HK2: variants seen among roughly 807,000 people sequenced by gnomAD.
HK2 encodes hexokinase 2.
Under a neutral mutation model 92.9 loss-of-function variants are expected in HK2, and 42 were observed. The ratio of observed to expected loss-of-function variants is 0.45; its 90% CI spans 0.35 to 0.58. The LOEUF is 0.58. HK2 is among the 20% of genes least tolerant of loss of function. The pLI, the probability that HK2 is intolerant of heterozygous loss-of-function variation, is 0.00. For missense variants in HK2, 978 were observed against 1,245.1 expected (o/e 0.79, Z 3.23); for synonymous variants, 422 against 468.0 (o/e 0.90, Z 1.27).
intron 2 of HK2, among the ~76,000 whole-genome samples, chr2:74,866,142 G>A: frequency 6.6e-6 from 1 of 152,062 alleles, no homozygotes. Flanking sequence ...TGGGACCCTA[G>A]GGACTGTGGG....
chr2:74,843,872 A>G (rs894504131), intron 1 of HK2, among the ~76,000 whole-genome samples: 3 of 152,170 alleles, frequency 2.0e-5, no homozygotes, highest in Non-Finnish European at 2.9e-5. Flanking sequence ...TTTCTGTCTC[A>G]GTCCCCTCCA....
chr2:74,888,488 G>A (rs542724815), intron 16 of HK2, among the ~76,000 whole-genome samples: 1 of 152,356 alleles, frequency 6.6e-6, no homozygotes, highest in East Asian at 1.9e-4. Context: ...GCAGACACAT[G>A]CCACACAGTG....
chr2:74,853,300 T>C (rs912327322), intron 1 of HK2, among the ~76,000 whole-genome samples: 3 of 152,078 alleles, frequency 2.0e-5, no homozygotes, highest in Non-Finnish European at 4.4e-5. Flanking sequence ...GTGGATAGCT[T>C]GAGTCCAGGA....
chr2:74,876,701 G>A (rs1689239186), intron 7 of HK2, among the ~76,000 whole-genome samples: 1 of 152,186 alleles, frequency 6.6e-6, no homozygotes, highest in Admixed American at 6.5e-5. Context: ...TGGAGCCCAT[G>A]AACGGCTTGC....
intron 7 of HK2, 52 bp from the exon 8 acceptor site, chr2:74,877,114 T>C: frequency 6.2e-7 from 1 of 1,610,594 alleles, no homozygotes; most frequent in East Asian, 2.2e-5. Flanking sequence ...AGGGAAGCTA[T>C]GAGTACATGG....
rs187665561 is a variant in HK2, at chr2:74,883,446, A to T, written c.1839+1207A>T. ...GGAAAGAAAGGTGAGCAGGCTGCCC[A>T]TTGTGGAGAGGGTCATGTAGGTGGG... On this transcript the variant is annotated intron_variant, in intron 12 of 17. Coordinates refer to ENST00000290573, the MANE Select transcript of HK2 (RefSeq NM_000189.5). Among the ~76,000 whole-genome samples, 17 of 152,326 alleles carry T rather than the reference A, an allele frequency of 1.1e-4. No homozygotes were observed. The East Asian group carries it at 3.3e-3, about 29-fold the overall frequency.
chr2:74,867,816 G>T, intron 3 of HK2, 32 bp downstream of exon 3: 1 of 1,613,298 alleles, frequency 6.2e-7, no homozygotes, highest in South Asian at 1.1e-5. Context: ...AGCCCCTGGT[G>T]ACAAAAAACT....
chr2:74,888,122 T>C, intron 16 of HK2, 64 bp downstream of exon 16: 1 of 1,550,568 alleles, frequency 6.4e-7, no homozygotes, highest in Non-Finnish European at 8.9e-7. Flanking sequence ...GCAGACAAAC[T>C]GAAGGATTTC....
At chr2:74,885,888 T>TCACACACAC (rs1689519230) in intron 13 of HK2, among the ~76,000 whole-genome samples, 1 of 106,582 alleles carries the variant, frequency 9.4e-6, no homozygotes, top group African/African-American at 5.1e-5. Flanking sequence ...ACACACACAG[T>TCACACACAC]AAAGGAATAA....
intron 2 of HK2, among the ~76,000 whole-genome samples, chr2:74,862,680 CG>C (rs1283606853): frequency 2.0e-5 from 3 of 152,182 alleles, no homozygotes; most frequent in Admixed American, 6.5e-5. Context: ...GGGGTACTTA[CG>C]TAGTCCAGGC....
In HK2 at chr2:74,890,988, G is replaced by T. The variant is rs1689664559; in HGVS notation, c.*47G>T. 6.2e-7 allele frequency: 1 copy of T among 1,604,180 alleles called. No individual in the cohort carries two copies. The highest frequency in any genetic ancestry group is 1.3e-5 in the African/African-American group (1 of 74,912). ...CTTCCTCTTTCTCTCCTTCTTCCCTGTTTTAAATTATAAGATGTCATCCCC... is the reference window on the plus strand; with the variant it reads ...CTTCCTCTTTCTCTCCTTCTTCCCTTTTTTAAATTATAAGATGTCATCCCC... On this transcript the variant is annotated 3_prime_UTR_variant, in exon 18 of 18. Transcript: ENST00000290573.
rs147555773 is a variant in HK2 at position 74,889,375 on chromosome 2, G to A, written c.2506G>A (p.Ala836Thr). ...VARRAAQLCG[A>T]GMAAVVDRIR... is the part of the protein sequence containing the mutation. ...CCGGCGGGCAGCCCAGCTCTGTGGC[G>A]CAGGCATGGCCGCTGTGGTGGACAG... The change falls in exon 17 of 18, where the codon GCA becomes ACA. Residue 836 changes from alanine (A) to threonine (T), a missense_variant. By Grantham distance (58) the Ala-to-Thr change is moderately conservative. Coordinates refer to ENST00000290573, the MANE Select transcript of HK2 (RefSeq NM_000189.5). 64 of 1,614,068 alleles carry A rather than the reference G, an allele frequency of 4.0e-5. No individual in the cohort carries two copies. The highest frequency in any genetic ancestry group is 3.7e-4 in the African/African-American group (28 of 74,920).
At position 74,889,356 on chromosome 2, in the gene HK2, G is replaced by A. The variant is rs753765639; in HGVS notation, c.2487G>A (p.Arg829=). The A allele has an allele frequency of 1.9e-6, 3 of 1,614,072 alleles. No individual in the cohort carries two copies. The highest frequency in any genetic ancestry group is 1.3e-5 in the African/African-American group (1 of 74,926). The change falls in exon 17 of 18, where the codon CGG becomes CGA. Residue 829 remains arginine, a synonymous_variant. Transcript: ENST00000290573. The part of the protein sequence containing the change: ...VKEVCTVVAR[R]AAQLCGAGMA... ...AGGTGTGCACTGTGGTGGCCCGGCG[G>A]GCAGCCCAGCTCTGTGGCGCAGGCA...
At chr2:74,857,636 A>G (rs1026508646) in intron 2 of HK2, among the ~76,000 whole-genome samples, 1 of 152,016 alleles carries the variant, frequency 6.6e-6, no homozygotes, top group Non-Finnish European at 1.5e-5. Context: ...ACAGCATGAG[A>G]CTCTGTCTCA....
chr2:74,838,202 C>CTG (rs1688215232), intron 1 of HK2, among the ~76,000 whole-genome samples: 1 of 152,094 alleles, frequency 6.6e-6, no homozygotes. Context: ...AGAATCTTGG[C>CTG]TGTTAGGTTT....
intron 6 of HK2, 23 bp from the exon 7 acceptor site, chr2:74,874,243 A>G (rs369802011): frequency 4.3e-6 from 7 of 1,613,910 alleles, no homozygotes; most frequent in African/African-American, 4.0e-5. Flanking sequence ...AGGCGTGTGC[A>G]TAGCCGTCCC....
intron 3 of HK2, among the ~76,000 whole-genome samples, chr2:74,870,759 T>A (rs1689079422): frequency 6.6e-6 from 1 of 152,208 alleles, no homozygotes; most frequent in East Asian, 1.9e-4. Flanking sequence ...GGGAGTTGGC[T>A]CACCTGCACT....
rs374770603 is a variant in HK2 at position 74,878,736 on chromosome 2, C to T, written c.1080C>T (p.Gly360=). The change falls in exon 9 of 18, where the codon GGC becomes GGT. Residue 360 remains glycine (G), a synonymous_variant. Transcript: ENST00000290573. ...CCCGTGAGGTCCTGATGCGGTTGGG[C>T]CTGGACCCGACTCAGGAGGACTGCG... is the stretch of plus-strand genomic sequence containing the variant. The part of the protein sequence containing the change: ...RKAREVLMRL[G]LDPTQEDCVA... The T allele has an allele frequency of 1.2e-6, 2 of 1,605,808 alleles. No homozygotes were observed.
chr2:74,847,627 C>T (rs1385831934), intron 1 of HK2, among the ~76,000 whole-genome samples: 1 of 152,128 alleles, frequency 6.6e-6, no homozygotes, highest in Non-Finnish European at 1.5e-5. Flanking sequence ...AAGGCTGCAG[C>T]CTAGGAGTTT....
Sources: allele counts gnomAD v4.1 joint callset (sites outside exome capture counted in the v4.1 genomes callset), GRCh38; gene constraint gnomAD v4.1.1; transcripts MANE v1.5; gene names NCBI Gene and HGNC (gene_info 2026-07-23, HGNC 2026-07-21).